ARHGAP24: variants seen among roughly 807,000 people sequenced by gnomAD.
ARHGAP24 encodes rho GTPase-activating protein 24.
Under a neutral mutation model 76.4 loss-of-function variants are expected in ARHGAP24, and 50 were observed. The observed-to-expected ratio is 0.65, with a 90% CI of 0.52 to 0.83. The LOEUF is 0.83. ARHGAP24 is among the 40% of genes least tolerant of loss of function. ARHGAP24 has a pLI of 0.00. For missense variants in ARHGAP24, 930 were observed against 914.2 expected (o/e 1.02, Z -0.22); for synonymous variants, 345 against 323.3 (o/e 1.07, Z -0.72).
At chr4:85,864,968 G>A (rs953226847) in intron 3 of ARHGAP24, among the ~76,000 whole-genome samples, 3 of 152,052 alleles carry the variant, frequency 2.0e-5, no homozygotes, top group African/African-American at 7.2e-5. Context: ...GAGAAAATAA[G>A]TTCCATATGT....
At chr4:85,482,781 C>T (rs974723717) in intron 1 of ARHGAP24, among the ~76,000 whole-genome samples, 1 of 152,144 alleles carries the variant, frequency 6.6e-6, no homozygotes, top group African/African-American at 2.4e-5. Context: ...CCTCACAGTT[C>T]CTACATGAGC....
chr4:85,521,949 A>G (rs527245708), intron 1 of ARHGAP24, among the ~76,000 whole-genome samples: 3 of 152,168 alleles, frequency 2.0e-5, no homozygotes, highest in Non-Finnish European at 2.9e-5. Flanking sequence ...CAAATTATTA[A>G]GATCTCATTC....
At chr4:85,703,146 G>A (rs1437922565) in intron 2 of ARHGAP24, among the ~76,000 whole-genome samples, 1 of 152,146 alleles carries the variant, frequency 6.6e-6, no homozygotes, top group Admixed American at 6.6e-5. Flanking sequence ...ATCCTTTAAG[G>A]CAGTGGAAAT....
intron 3 of ARHGAP24, among the ~76,000 whole-genome samples, chr4:85,782,502 C>A (rs1311657120): frequency 2.6e-5 from 4 of 152,160 alleles, no homozygotes; most frequent in African/African-American, 9.7e-5. Context: ...CTTCTTAGTA[C>A]AACCTTATGA....
intron 5 of ARHGAP24, among the ~76,000 whole-genome samples, chr4:85,956,454 C>T (rs1474849580): frequency 5.3e-5 from 8 of 152,252 alleles, no homozygotes; most frequent in Admixed American, 2.0e-4. Flanking sequence ...GGAGGTGGGC[C>T]GCTTCCAAAA....
At chr4:85,797,730 A>T (rs1728422427) in intron 3 of ARHGAP24, among the ~76,000 whole-genome samples, 1 of 152,044 alleles carries the variant, frequency 6.6e-6, no homozygotes, top group Admixed American at 6.6e-5. Context: ...TAGTATGTTG[A>T]CTCTAATTAG....
intron 4 of ARHGAP24, among the ~76,000 whole-genome samples, chr4:85,932,632 C>T (rs981884827): frequency 7.2e-5 from 11 of 152,120 alleles, no homozygotes; most frequent in Non-Finnish European, 1.2e-4. Flanking sequence ...TATCCTCTCC[C>T]GGGGGGCTAT....
intron 3 of ARHGAP24, among the ~76,000 whole-genome samples, chr4:85,915,208 A>G (rs1012266688): frequency 6.6e-6 from 1 of 152,202 alleles, no homozygotes; most frequent in African/African-American, 2.4e-5. Flanking sequence ...ACATTATATC[A>G]TTCTTATCTT....
intron 1 of ARHGAP24, 48 bp downstream of exon 1, chr4:85,475,607 A>C (rs1377300849): frequency 6.8e-6 from 1 of 147,258 alleles, no homozygotes; most frequent in Non-Finnish European, 1.5e-5. Context: ...CGCGGGAAGG[A>C]CGGACGCGGC....
intron 3 of ARHGAP24, among the ~76,000 whole-genome samples, chr4:85,809,129 G>A (rs892609139): frequency 1.3e-5 from 2 of 152,078 alleles, no homozygotes; most frequent in Admixed American, 1.3e-4. Flanking sequence ...GGATAGAAGG[G>A]CTTTCTATTA....
At position 85,739,772 on chromosome 4, in the gene ARHGAP24, G is replaced by A. The variant is rs1419423257; in HGVS notation, c.268+17800G>A. ...CTCCCGAGTAGCTGGGACTACAGGC[G>A]CCCGCTACCACGCCCGGCTAATTTT... On this transcript the variant is annotated intron_variant, in intron 3 of 9. Coordinates refer to ENST00000395184, the MANE Select transcript of ARHGAP24 (RefSeq NM_001025616.3). 1.8e-3 allele frequency among the ~76,000 whole-genome samples: 22 copies of A among 12,352 alleles called. 11 individuals are homozygous for A. The highest frequency in any genetic ancestry group is 0.013 in the Admixed American group (6 of 466). 8.1% of individuals were successfully genotyped at this position (12,352 alleles called of 152,430 possible). A position where few individuals can be genotyped will look rare whatever the true frequency, so the allele number is the denominator to read the frequency against.
intron 3 of ARHGAP24, chr4:85,723,655 T>A (rs1420551272): frequency 6.6e-6 from 1 of 152,236 alleles, no homozygotes; most frequent in Admixed American, 6.5e-5. Context: ...TAATACAGTA[T>A]GTAATAGCTG....
At chr4:85,987,487 G>T (rs192877909) in intron 8 of ARHGAP24, among the ~76,000 whole-genome samples, 1 of 152,020 alleles carries the variant, frequency 6.6e-6, no homozygotes, top group East Asian at 1.9e-4. Flanking sequence ...ACATAAAATA[G>T]CTAATAGAAA....
At chr4:85,506,587 G>T (rs1322433816) in intron 1 of ARHGAP24, among the ~76,000 whole-genome samples, 2 of 149,368 alleles carry the variant, frequency 1.3e-5, no homozygotes, top group Non-Finnish European at 2.9e-5. Flanking sequence ...TGCCAGTTGT[G>T]AAGACCATGA....
chr4:85,904,458 G>T (rs369059952), intron 3 of ARHGAP24, among the ~76,000 whole-genome samples: 9 of 152,250 alleles, frequency 5.9e-5, no homozygotes, highest in African/African-American at 2.2e-4. Context: ...TCCAACATTG[G>T]GGATTGCAAT....
At chr4:85,726,545 A>G (rs767413276) in intron 3 of ARHGAP24, among the ~76,000 whole-genome samples, 43 of 152,112 alleles carry the variant, frequency 2.8e-4, no homozygotes, top group Non-Finnish European at 1.3e-4. Flanking sequence ...TCCTCTTGCT[A>G]ACTAGTCATT....
intron 5 of ARHGAP24, among the ~76,000 whole-genome samples, chr4:85,967,373 T>C (rs770257123): frequency 3.5e-4 from 54 of 152,266 alleles, no homozygotes; most frequent in Middle Eastern, 3.4e-3. Context: ...GTGCACATCA[T>C]AGGTGTTCAG....
chr4:85,952,351 TA>T (rs1351541565), intron 5 of ARHGAP24, among the ~76,000 whole-genome samples: 10 of 152,246 alleles, frequency 6.6e-5, no homozygotes, highest in South Asian at 2.1e-4. Context: ...TTGGTTTCTT[TA>T]ATTCTGCCCC....
At chr4:85,844,095 G>A (rs1447596453) in intron 3 of ARHGAP24, among the ~76,000 whole-genome samples, 5 of 152,076 alleles carry the variant, frequency 3.3e-5, no homozygotes, top group Non-Finnish European at 7.4e-5. Context: ...ATAAATAAAA[G>A]GTAAACTCCT....
Sources: allele counts gnomAD v4.1 joint callset (sites outside exome capture counted in the v4.1 genomes callset), GRCh38; gene constraint gnomAD v4.1.1; transcripts MANE v1.5; gene names NCBI Gene and HGNC (gene_info 2026-07-23, HGNC 2026-07-21).